The following HEPHL1 variants were observed in gnomAD, a reference collection of about 807,000 sequenced individuals.
HEPHL1 encodes the protein ferroxidase HEPHL1.
HEPHL1 carries 123 observed loss-of-function variants against 122.0 expected under a neutral mutation model. The ratio of observed to expected loss-of-function variants is 1.01; its 90% CI spans 0.87 to 1.17. HEPHL1 has a LOEUF of 1.17. Ranked by LOEUF, HEPHL1 falls within the 50% of genes most tolerant of loss-of-function variation. The probability of loss-of-function intolerance (pLI) is 0.00; values close to 1 mark genes in which losing one functional copy is unlikely to be tolerated. For missense variants in HEPHL1, 1,452 were observed against 1,430.5 expected (o/e 1.01, Z -0.24); for synonymous variants, 527 against 508.9 (o/e 1.04, Z -0.48).
intron 13 of HEPHL1, 75 bp from the exon 14 acceptor site, chr11:94,101,120 C>A: frequency 1.3e-6 from 2 of 1,505,882 alleles, no homozygotes; most frequent in South Asian, 1.2e-5. Context: ...ATTTGACTAA[C>A]TACTGCCTAT....
intron 14 of HEPHL1, 79 bp downstream of exon 14, chr11:94,101,414 A>G (rs980376321): frequency 1.1e-4 from 158 of 1,409,766 alleles, no homozygotes; most frequent in Non-Finnish European, 5.8e-5. Flanking sequence ...AGGTGTCTTA[A>G]AGAGCTCATC....
chr11:94,098,273 G>A (rs1217665120), intron 13 of HEPHL1, among the ~76,000 whole-genome samples: 3 of 152,108 alleles, frequency 2.0e-5, no homozygotes. Context: ...CACTTATGAA[G>A]CTTAGTTTGG....
At chr11:94,027,493 T>G (rs1945636239) in intron 1 of HEPHL1, among the ~76,000 whole-genome samples, 2 of 152,190 alleles carry the variant, frequency 1.3e-5, no homozygotes, top group African/African-American at 4.8e-5. Context: ...TTTCCTCTTT[T>G]CTAACAAAGC....
chr11:94,101,176 G>T lies in HEPHL1; in HGVS notation c.2435-19G>T. The T allele has an allele frequency of 1.2e-6, 2 of 1,613,058 alleles. No individual in the cohort carries two copies. The highest frequency in any genetic ancestry group is 1.7e-6 in the Non-Finnish European group (2 of 1,179,254). On this transcript the variant is annotated intron_variant, in intron 13 of 19. Transcript: ENST00000315765. Reference sequence around the variant, plus strand: ...GAAAGAGCAATAATAATGCACACAGGCCTGTGTTTTGCCTTTAGGCCCAAT... The same window carrying T: ...GAAAGAGCAATAATAATGCACACAGTCCTGTGTTTTGCCTTTAGGCCCAAT...
rs1945972581 is a variant in HEPHL1, at chr11:94,060,095, TATATATA to T, written c.416-3412_416-3406del. Among the ~76,000 whole-genome samples the T allele has an allele frequency of 2.2e-3, 299 of 135,882 alleles. 27 individuals are homozygous for T. The highest frequency in any genetic ancestry group is 7.7e-3 in the African/African-American group (253 of 32,806). 89.1% of individuals were successfully genotyped at this position (135,882 alleles called of 152,430 possible). A position where few individuals can be genotyped will look rare whatever the true frequency, so the allele number is the denominator to read the frequency against. ...AATACCACTCAGTCATATTTTATTA[TATATATA>T]TATATATATATATATATATATATAT... is the stretch of plus-strand genomic sequence containing the variant. On this transcript the variant is annotated intron_variant, in intron 2 of 19. Coordinates refer to ENST00000315765, the MANE Select transcript of HEPHL1 (RefSeq NM_001098672.2).
intron 1 of HEPHL1, among the ~76,000 whole-genome samples, chr11:94,029,759 C>T (rs1330633264): frequency 2.0e-5 from 3 of 152,204 alleles, no homozygotes; most frequent in African/African-American, 7.2e-5. Flanking sequence ...CAATGTATAA[C>T]TCAGTGCCAA....
chr11:94,075,844 G>A (rs1450904408), intron 9 of HEPHL1, among the ~76,000 whole-genome samples: 1 of 152,128 alleles, frequency 6.6e-6, no homozygotes, highest in Non-Finnish European at 1.5e-5. Context: ...ACCCACAACT[G>A]TAAAATGAAA....
At chr11:94,110,793 G>T in intron 17 of HEPHL1, 110 bp from the exon 18 acceptor site, 1 of 761,682 alleles carries the variant, frequency 1.3e-6, no homozygotes, top group Non-Finnish European at 2.1e-6. Context: ...TCTTTCTTAT[G>T]TCCTTCCTTT....
intron 2 of HEPHL1, among the ~76,000 whole-genome samples, chr11:94,051,919 T>C (rs1034186299): frequency 1.8e-4 from 27 of 152,262 alleles, no homozygotes; most frequent in Non-Finnish European, 4.4e-5. Flanking sequence ...TGTGTGTTCT[T>C]GGCACCTTTG....
Position 94,112,449 on chromosome 11 carries a change from C to A in HEPHL1, c.*555C>A, listed in dbSNP as rs1290042478. 1.3e-5 allele frequency: 2 copies of A among 152,230 alleles called. No individual in the cohort carries two copies. Among genetic ancestry groups the A allele is most frequent in the Non-Finnish European group, 2.9e-5 (2 of 68,054 alleles). 9.4% of individuals were successfully genotyped at this position (152,230 alleles called of 1,614,324 possible). A position where few individuals can be genotyped will look rare whatever the true frequency, so the allele number is the denominator to read the frequency against. Reference sequence around the variant, plus strand: ...CAAATAAATTTTTTGGAGGCTTTAACCAGCTCTCCTGGCCTTTTCCTCTTT... The same window carrying A: ...CAAATAAATTTTTTGGAGGCTTTAAACAGCTCTCCTGGCCTTTTCCTCTTT... On this transcript the variant is annotated 3_prime_UTR_variant, in exon 20 of 20. Transcript: ENST00000315765.
In HEPHL1 at chr11:94,052,351, C is replaced by T. The variant is rs1226793644; in HGVS notation, c.415+6434C>T. On this transcript the variant is annotated intron_variant, in intron 2 of 19. Coordinates refer to ENST00000315765, the MANE Select transcript of HEPHL1 (RefSeq NM_001098672.2). The stretch of plus-strand genomic sequence containing the variant: ...TCCTTCATTTCCTTAGTTACGTTAA[C>T]TTCTAGGTATTTAATTTTATTTGTA... 2.0e-5 allele frequency among the ~76,000 whole-genome samples: 3 copies of T among 151,810 alleles called. No homozygotes were observed. In the East Asian group the frequency reaches 5.8e-4, roughly 29 times the overall value.
rs565789962 is a variant in HEPHL1 at position 94,060,215 on chromosome 11, T to C, written c.416-3293T>C. ...AAAAGAAGCCTGGTATTTGCTTTAA[T>C]GCAGCTTACAGTCTAACATGAGAAA... On this transcript the variant is annotated intron_variant, in intron 2 of 19. Coordinates refer to ENST00000315765, the MANE Select transcript of HEPHL1 (RefSeq NM_001098672.2). Among the ~76,000 whole-genome samples, 4 of 149,942 alleles carry C rather than the reference T, an allele frequency of 2.7e-5. No homozygotes were observed. The South Asian group carries it at 8.4e-4, about 32-fold the overall frequency.
In HEPHL1 at chr11:94,104,590, G is replaced by A; in HGVS notation, c.2745G>A (p.Lys915=). 6.2e-7 allele frequency: 1 copy of A among 1,613,934 alleles called. No individual in the cohort carries two copies. Among genetic ancestry groups the A allele is most frequent in the Non-Finnish European group, 8.5e-7 (1 of 1,179,854 alleles). ...ITCRKGVLNE[K]GRRSDVDYEF... is the part of the protein sequence containing the mutation. ...GCCGAAAAGGAGTCTTGAATGAAAA[G>A]GGAAGAAGAAGTGACGTTGATTATG... The change falls in exon 16 of 20, where the codon AAG becomes AAA. Residue 915 remains lysine (K), a synonymous_variant. Transcript: ENST00000315765.
In HEPHL1 at chr11:94,021,553, G is replaced by A. The variant is rs372995738; in HGVS notation, c.170+15G>A. 2.7e-5 allele frequency: 43 copies of A among 1,580,052 alleles called. No homozygotes were observed. Among genetic ancestry groups the A allele is most frequent in the African/African-American group, 2.7e-4 (20 of 74,092 alleles). ...ACAGAAGACAAGTGAGTGAACTTAG[G>A]GTCCTCATTGACTCCCAGGTTTGGC... On this transcript the variant is annotated intron_variant, in intron 1 of 19. Coordinates refer to ENST00000315765, the MANE Select transcript of HEPHL1 (RefSeq NM_001098672.2).
Position 94,077,377 on chromosome 11 carries a change from AT to A in HEPHL1, c.1716+2000del, listed in dbSNP as rs902032120. On this transcript the variant is annotated intron_variant, in intron 9 of 19. Coordinates refer to ENST00000315765, the MANE Select transcript of HEPHL1 (RefSeq NM_001098672.2). ...TTTCCCCCATGATTAATTTCTTTAA[AT>A]TTTTTTTATTTTTAATTTTTGTGGG... 4.6e-5 allele frequency among the ~76,000 whole-genome samples: 7 copies of A among 151,898 alleles called. No homozygotes were observed. In the East Asian group the frequency reaches 9.7e-4, roughly 21 times the overall value.
chr11:94,093,629 T>G lies in HEPHL1; in HGVS notation c.2423T>G (p.Leu808Ter). 6.2e-7 allele frequency: 1 copy of G among 1,613,182 alleles called. No homozygotes were observed. Among genetic ancestry groups the G allele is most frequent in the Non-Finnish European group, 8.5e-7 (1 of 1,179,662 alleles). ...IKARPPREEH[L>*]ELLGPMIHAE... is the part of the protein sequence containing the mutation. ...GCCCGACCACCACGAGAGGAGCACTTAGAACTCCTGGGTATGGCACAGATT... is the reference window on the plus strand; with the variant it reads ...GCCCGACCACCACGAGAGGAGCACTGAGAACTCCTGGGTATGGCACAGATT... Residue 808 changes from leucine to a stop codon, truncating the protein, a stop_gained, in exon 13 of 20, where the codon TTA (leucine) becomes TGA (stop). Transcript: ENST00000315765. LOFTEE classifies it high-confidence loss of function.
chr11:94,072,867 G>C (rs370170507), intron 6 of HEPHL1, among the ~76,000 whole-genome samples, 158 bp from the exon 7 acceptor site: 1 of 152,134 alleles, frequency 6.6e-6, no homozygotes, highest in Non-Finnish European at 1.5e-5. Flanking sequence ...TTTTAGGGCT[G>C]GTTAACTATT....
chr11:94,093,452 G>A (rs1448641368), intron 12 of HEPHL1, 49 bp from the exon 13 acceptor site: 1 of 1,609,516 alleles, frequency 6.2e-7, no homozygotes, highest in African/African-American at 1.3e-5. Context: ...AGCGCTCAAA[G>A]CTTTTCTGCT....
intron 11 of HEPHL1, among the ~76,000 whole-genome samples, chr11:94,088,251 A>G (rs942382033): frequency 6.6e-6 from 1 of 152,250 alleles, no homozygotes; most frequent in African/African-American, 2.4e-5. Context: ...CAAGGGCTTA[A>G]TGAAGTAATA....
Sources: allele counts gnomAD v4.1 joint callset (sites outside exome capture counted in the v4.1 genomes callset), GRCh38; gene constraint gnomAD v4.1.1; transcripts MANE v1.5; gene names NCBI Gene and HGNC (gene_info 2026-07-23, HGNC 2026-07-21).